Variants in PKHD1 observed in about 807,000 individuals in gnomAD.
PKHD1 encodes fibrocystin.
In PKHD1, 291 loss-of-function variants were observed where a neutral mutation model predicts 412.0. The observed-to-expected ratio is 0.71, with a 90% CI of 0.64 to 0.78. The LOEUF is 0.78. PKHD1 is among the 30% of genes least tolerant of loss of function. PKHD1 has a pLI of 0.00. For missense variants in PKHD1, 4,825 were observed against 4,950.7 expected, an observed-to-expected ratio of 0.97 and a Z score of 0.76; for synonymous variants, 1,777 against 1,821.5, an observed-to-expected ratio of 0.98 and a Z score of 0.62.
At chr6:52,001,680 G>A (rs188930503) in intron 35 of PKHD1, among the ~76,000 whole-genome samples, 6 of 151,822 alleles carry the variant, frequency 4.0e-5, no homozygotes, top group East Asian at 1.9e-4. Flanking sequence ...ATCTGCCCAC[G>A]TCGGCCTCCC....
chr6:52,035,505 A>T (rs1415009828), intron 28 of PKHD1, 86 bp downstream of exon 28: 3 of 1,204,116 alleles, frequency 2.5e-6, no homozygotes, highest in Non-Finnish European at 3.7e-6. Flanking sequence ...CAGTTCATTT[A>T]GTTCTAAGAA....
chr6:51,739,175 TACATAC>T (rs919946647), intron 60 of PKHD1, among the ~76,000 whole-genome samples: 2 of 149,208 alleles, frequency 1.3e-5, no homozygotes, highest in East Asian at 3.9e-4. Flanking sequence ...TCATGTTATA[TACATAC>T]ACATACACAT....
intron 35 of PKHD1, among the ~76,000 whole-genome samples, chr6:51,970,201 AT>A (rs2127989741): frequency 6.6e-6 from 1 of 152,174 alleles, no homozygotes; most frequent in African/African-American, 2.4e-5. Flanking sequence ...AATGTTGAGC[AT>A]TTTTTCACAT....
chr6:51,742,448 C>T (rs747541786), intron 60 of PKHD1, among the ~76,000 whole-genome samples: 8 of 152,112 alleles, frequency 5.3e-5, no homozygotes, highest in Non-Finnish European at 1.2e-4. Flanking sequence ...ATGTCAAATG[C>T]TGTACTGTAG....
In PKHD1 at chr6:51,878,878, C is replaced by A. The variant is rs1330726890; in HGVS notation, c.7350+4215G>T. ...ATCTAGAAAACCCCATCGTCTCAGC[C>A]CAAAATCTCCTTAAGCTGATAAGCA... On this transcript the variant is annotated intron_variant, in intron 46 of 66. Transcript: ENST00000371117. 1.7e-4 allele frequency among the ~76,000 whole-genome samples: 10 copies of A among 60,086 alleles called. 2 individuals are homozygous for A. The highest frequency in any genetic ancestry group is 8.1e-4 in the African/African-American group (9 of 11,158). 39.4% of individuals were successfully genotyped at this position (60,086 alleles called of 152,430 possible).
In PKHD1 at chr6:51,744,441, G is replaced by C; in HGVS notation, c.10100C>G (p.Pro3367Arg). The change falls in exon 60 of 67, where the codon CCA becomes CGA. Residue 3367 changes from proline (P) to arginine (R), a missense_variant. Coordinates refer to ENST00000371117, the MANE Select transcript of PKHD1 (RefSeq NM_138694.4). Reference sequence around the variant, plus strand: ...CTCTGTTTTAGGAAATACAGAAACTGGTGGAGGCAGACCCAGGGCTCTCCC... The same window carrying C: ...CTCTGTTTTAGGAAATACAGAAACTCGTGGAGGCAGACCCAGGGCTCTCCC... ...LDGRALGLPP[P>R]VSVFPKTEAE... 1 of 1,613,694 alleles carries C rather than the reference G, an allele frequency of 6.2e-7. No individual in the cohort carries two copies. Among genetic ancestry groups the C allele is most frequent in the Non-Finnish European group, 8.5e-7 (1 of 1,179,590 alleles).
At chr6:51,647,958 C>G (rs1770334092) in intron 63 of PKHD1, 73 bp downstream of exon 63, 1 of 921,518 alleles carries the variant, frequency 1.1e-6, no homozygotes, top group East Asian at 2.4e-5. Flanking sequence ...CTATGAATTC[C>G]TAATGGCTGC....
intron 55 of PKHD1, among the ~76,000 whole-genome samples, chr6:51,764,608 T>C (rs11969148): frequency 0.32 from 47,435 of 150,268 alleles, 9,277 homozygotes; most frequent in East Asian, 0.69. Context: ...TAAAGACACA[T>C]GCACACGTAT....
intron 36 of PKHD1, among the ~76,000 whole-genome samples, chr6:51,941,686 C>T (rs533519442): frequency 6.5e-4 from 96 of 148,646 alleles, no homozygotes; most frequent in African/African-American, 1.5e-3. Context: ...CTATCCACCC[C>T]GTGGTGCCAA....
At chr6:51,788,405 T>A (rs1434926070) in intron 53 of PKHD1, among the ~76,000 whole-genome samples, 1 of 147,882 alleles carries the variant, frequency 6.8e-6, no homozygotes, top group East Asian at 2.1e-4. Flanking sequence ...CTGACCTATG[T>A]GTACTGCATC....
intron 35 of PKHD1, among the ~76,000 whole-genome samples, chr6:51,993,171 A>G (rs1209299339): frequency 6.6e-6 from 1 of 152,246 alleles, no homozygotes; most frequent in Non-Finnish European, 1.5e-5. Context: ...TAACAAAACC[A>G]CTGCTCAGGT....
chr6:51,834,315 A>C (rs1391891285), intron 51 of PKHD1, among the ~76,000 whole-genome samples: 4 of 152,184 alleles, frequency 2.6e-5, no homozygotes, highest in African/African-American at 9.6e-5. Context: ...CCTGATTCTC[A>C]GAGATCAAAG....
chr6:51,995,200 C>T (rs138375522), intron 35 of PKHD1, among the ~76,000 whole-genome samples: 71 of 152,304 alleles, frequency 4.7e-4, no homozygotes, highest in Middle Eastern at 3.4e-3. Context: ...ACAGCAGCTA[C>T]ATGTTTTAGA....
intron 35 of PKHD1, among the ~76,000 whole-genome samples, chr6:52,002,421 T>C (rs1012560418): frequency 2.0e-5 from 3 of 152,226 alleles, no homozygotes; most frequent in African/African-American, 7.2e-5. Flanking sequence ...TGTGAAACTG[T>C]CTGCCTTTCC....
intron 60 of PKHD1, among the ~76,000 whole-genome samples, chr6:51,735,506 T>C (rs1451146870): frequency 6.6e-6 from 1 of 152,240 alleles, no homozygotes. Flanking sequence ...TTTTGTTTGT[T>C]CTGTGTGGAC....
In PKHD1 at chr6:51,728,476, C is replaced by T. The variant is rs186977249; in HGVS notation, c.10156+15909G>A. On this transcript the variant is annotated intron_variant, in intron 60 of 66. Coordinates refer to ENST00000371117, the MANE Select transcript of PKHD1 (RefSeq NM_138694.4). Reference sequence around the variant, plus strand: ...TAGCATGGATAATAAACCAATTTTGCTTCCTTTTATCACAACTTATTATTT... The same window carrying T: ...TAGCATGGATAATAAACCAATTTTGTTTCCTTTTATCACAACTTATTATTT... Among the ~76,000 whole-genome samples the T allele has an allele frequency of 1.9e-3, 283 of 152,308 alleles. 2 individuals carry two copies. Among genetic ancestry groups the T allele is most frequent in the Non-Finnish European group, 3.3e-3 (224 of 68,034 alleles).
chr6:51,931,058 A>AT (rs1366141350), intron 37 of PKHD1, among the ~76,000 whole-genome samples: 5 of 152,196 alleles, frequency 3.3e-5, no homozygotes, highest in Non-Finnish European at 5.9e-5. Flanking sequence ...TGTTTTTCTG[A>AT]TTTTTTAGAG....
At chr6:52,086,106 A>ATTTGTGTGT (rs913681309) in intron 1 of PKHD1, among the ~76,000 whole-genome samples, 2 of 146,110 alleles carry the variant, frequency 1.4e-5, no homozygotes, top group Admixed American at 1.4e-4. Context: ...ACACACACAA[A>ATTTGTGTGT]GTGTGTGTGT....
Position 51,732,590 on chromosome 6 carries a change from C to T in PKHD1, c.10156+11795G>A, listed in dbSNP as rs185636711. 1.4e-4 allele frequency among the ~76,000 whole-genome samples: 22 copies of T among 152,230 alleles called. 1 individual carries two copies. The highest frequency in any genetic ancestry group is 3.9e-4 in the East Asian group (2 of 5,190). ...TGGGAAATGCAAATCAAAATTACAA[C>T]GACATATCACCTCACACCCATTAAA... is the stretch of plus-strand genomic sequence containing the variant. On this transcript the variant is annotated intron_variant, in intron 60 of 66. Coordinates refer to ENST00000371117, the MANE Select transcript of PKHD1 (RefSeq NM_138694.4).
Sources: allele counts gnomAD v4.1 joint callset (sites outside exome capture counted in the v4.1 genomes callset), GRCh38; gene constraint gnomAD v4.1.1; transcripts MANE v1.5; gene names NCBI Gene and HGNC (gene_info 2026-07-23, HGNC 2026-07-21).